Variants in RELN observed in about 807,000 individuals in gnomAD.
RELN encodes reelin.
Under a neutral mutation model 427.6 loss-of-function variants are expected in RELN, and 108 were observed. The observed-to-expected ratio is 0.25, with a 90% confidence interval of 0.22 to 0.30. The LOEUF (loss-of-function observed/expected upper bound fraction) is 0.30, where lower values mean the gene tolerates loss of function less well. Among genes scored for constraint, RELN ranks in the 10% least tolerant of loss-of-function variants. The probability of loss-of-function intolerance (pLI) is 1.00; values close to 1 mark genes in which losing one functional copy is unlikely to be tolerated. For missense variants in RELN, 3,715 were observed against 4,302.8 expected (o/e 0.86, Z 3.82); for synonymous variants, 1,524 against 1,513.4 (o/e 1.01, Z -0.16).
At chr7:103,867,314 G>C (rs1176497408) in intron 2 of RELN, among the ~76,000 whole-genome samples, 3 of 151,638 alleles carry the variant, frequency 2.0e-5, no homozygotes, top group Non-Finnish European at 2.9e-5. Context: ...TTCCCAGTTT[G>C]ATAATAGTTC....
chr7:103,959,188 C>T (rs1796498230), intron 1 of RELN, among the ~76,000 whole-genome samples: 1 of 152,186 alleles, frequency 6.6e-6, no homozygotes, highest in Non-Finnish European at 1.5e-5. Context: ...AGGGATCTTC[C>T]TGCCTCAGCC....
In RELN at chr7:103,770,461, C is replaced by G. The variant is rs1268668450; in HGVS notation, c.544+6096G>C. On this transcript the variant is annotated intron_variant, in intron 4 of 64. Coordinates refer to ENST00000428762, the MANE Select transcript of RELN (RefSeq NM_005045.4). ...GCCCCATGGTTCCCCCATGGTTTGC[C>G]TTCTCCCACACTGCAACAAGCACTA... Among the ~76,000 whole-genome samples the G allele has an allele frequency of 3.3e-5, 5 of 152,236 alleles. No homozygotes were observed. In the East Asian group the frequency reaches 9.7e-4, roughly 29 times the overall value.
chr7:103,698,583 A>G (rs1181972194), intron 9 of RELN, among the ~76,000 whole-genome samples: 1 of 152,134 alleles, frequency 6.6e-6, no homozygotes, highest in East Asian at 1.9e-4. Flanking sequence ...GCACTATCAC[A>G]GATCACCGTA....
chr7:103,623,789 C>A (rs751826538), intron 20 of RELN, among the ~76,000 whole-genome samples: 10 of 152,116 alleles, frequency 6.6e-5, no homozygotes, highest in Non-Finnish European at 1.2e-4. Context: ...CCTTCTGGGG[C>A]CTGAATGTCC....
intron 6 of RELN, among the ~76,000 whole-genome samples, chr7:103,739,285 G>A (rs1053442801): frequency 1.9e-4 from 29 of 152,174 alleles, no homozygotes; most frequent in African/African-American, 6.5e-4. Flanking sequence ...ATGTTCAATA[G>A]TAGCTGCATA....
intron 2 of RELN, among the ~76,000 whole-genome samples, chr7:103,913,058 C>T (rs924478549): frequency 2.0e-5 from 3 of 152,046 alleles, no homozygotes; most frequent in African/African-American, 7.2e-5. Flanking sequence ...TTTTGCATAG[C>T]TATTGTCTTA....
chr7:103,867,366 T>C (rs1409270132), intron 2 of RELN, among the ~76,000 whole-genome samples: 1 of 147,894 alleles, frequency 6.8e-6, no homozygotes, highest in African/African-American at 2.5e-5. Context: ...GTTCATTATA[T>C]TGCCTCACTA....
intron 11 of RELN, among the ~76,000 whole-genome samples, chr7:103,677,890 C>A (rs986414410): frequency 6.6e-6 from 1 of 151,798 alleles, no homozygotes; most frequent in Non-Finnish European, 1.5e-5. Context: ...TAATGAGACG[C>A]CTTTTGTAGT....
At chr7:103,771,241 G>A (rs1168285359) in intron 4 of RELN, among the ~76,000 whole-genome samples, 1 of 151,574 alleles carries the variant, frequency 6.6e-6, no homozygotes, top group Non-Finnish European at 1.5e-5. Context: ...CCTTCTGCTT[G>A]TAAAACCCTA....
intron 1 of RELN, among the ~76,000 whole-genome samples, chr7:103,976,573 T>C (rs1281881437): frequency 6.6e-6 from 1 of 151,750 alleles, no homozygotes; most frequent in Non-Finnish European, 1.5e-5. Flanking sequence ...AGGAACGGAG[T>C]TGGCCTTAAT....
intron 3 of RELN, among the ~76,000 whole-genome samples, chr7:103,782,936 T>C (rs935859193): frequency 6.6e-6 from 1 of 152,164 alleles, no homozygotes; most frequent in Non-Finnish European, 1.5e-5. Context: ...TTGTCCATTT[T>C]ACAGCTGGAA....
chr7:103,694,512 C>T (rs1468921383), intron 10 of RELN, among the ~76,000 whole-genome samples: 3 of 136,998 alleles, frequency 2.2e-5, no homozygotes, highest in Non-Finnish European at 3.1e-5. Flanking sequence ...ATGGCGACGA[C>T]GATGATGATG....
intron 11 of RELN, among the ~76,000 whole-genome samples, chr7:103,677,595 G>A (rs540623351): frequency 2.7e-5 from 4 of 149,998 alleles, no homozygotes; most frequent in South Asian, 2.1e-4. Context: ...GTGAAATCCC[G>A]TCTCTACCAA....
chr7:103,880,659 G>A (rs12669883), intron 2 of RELN, among the ~76,000 whole-genome samples: 19,568 of 152,034 alleles, frequency 0.13, 1,517 homozygotes, highest in East Asian at 0.38. Flanking sequence ...TCCTCATCCA[G>A]AGGCCTAATA....
At chr7:103,874,055 T>C (rs199774168) in intron 2 of RELN, among the ~76,000 whole-genome samples, 4,269 of 126,812 alleles carry the variant, frequency 0.034, 105 homozygotes, top group East Asian at 0.11. Flanking sequence ...GTTCAATATA[T>C]GCAAATCAGT....
chr7:103,933,495 AAGGGAGGGAGGG>A lies in RELN; in HGVS notation c.227-16322_227-16311del, dbSNP rs746721889. Reference sequence around the variant, plus strand: ...GTATCACTTGAGCCCAGGAGAAAGGAAGGGAGGGAGGGAGGGAGGGAGGGGAAGAGAAGGGAG... The same window carrying A: ...GTATCACTTGAGCCCAGGAGAAAGGAAGGGAGGGAGGGGAAGAGAAGGGAG... On this transcript the variant is annotated intron_variant, in intron 1 of 64. Coordinates refer to ENST00000428762, the MANE Select transcript of RELN (RefSeq NM_005045.4). Among the ~76,000 whole-genome samples the A allele has an allele frequency of 4.1e-5, 5 of 121,022 alleles. No individual in the cohort carries two copies. In the South Asian group the frequency reaches 1.6e-3, roughly 38 times the overall value. The allele number at this position is 121,022 out of a possible 152,430, so 79.4% of individuals were successfully genotyped here.
intron 1 of RELN, among the ~76,000 whole-genome samples, chr7:103,932,630 C>T (rs779705729): frequency 6.6e-6 from 1 of 152,212 alleles, no homozygotes; most frequent in Non-Finnish European, 1.5e-5. Context: ...AGCACCTATT[C>T]GTTGGCTTTG....
At chr7:103,634,387 C>T (rs1190124954) in intron 19 of RELN, among the ~76,000 whole-genome samples, 2 of 152,080 alleles carry the variant, frequency 1.3e-5, no homozygotes, top group African/African-American at 4.8e-5. Context: ...CCTCCTCATC[C>T]CTTGATATTT....
Position 103,594,402 on chromosome 7 carries a change from G to C in RELN, c.3630C>G (p.Asp1210Glu), listed in dbSNP as rs758411623. Residue 1210 changes from aspartate (D) to glutamate (E), a missense_variant, in exon 26 of 65, where the codon GAC (aspartate) becomes GAG (glutamate). By Grantham distance (45) the Asp-to-Glu change is conservative. Transcript: ENST00000428762. ...TGATGATGTCATCGACTGCCCACTG[G>C]TCATAGTCCTCCCCTGAGAACACGG... is the stretch of plus-strand genomic sequence containing the variant. Reference protein sequence around the residue: ...WQPVFSGEDYDQWAVDDIIIL... With the variant: ...WQPVFSGEDYEQWAVDDIIIL... The C allele has an allele frequency of 1.2e-6, 2 of 1,614,042 alleles. No homozygotes were observed. Among genetic ancestry groups the C allele is most frequent in the East Asian group, 4.5e-5 (2 of 44,878 alleles).
Sources: gnomAD v4.1 joint callset for allele counts (sites outside exome capture counted in the v4.1 genomes callset) on GRCh38, gnomAD v4.1.1 for gene constraint, MANE v1.5 for transcripts, NCBI Gene and HGNC (gene_info 2026-07-23, HGNC 2026-07-21) for gene names.